Variants in BRMS1L observed in about 807,000 individuals in gnomAD.
The protein encoded by BRMS1L is BRMS1 like transcriptional repressor.
BRMS1L carries 23 observed loss-of-function variants against 50.3 expected under a neutral mutation model. The ratio of observed to expected loss-of-function variants is 0.46; its 90% CI spans 0.33 to 0.65. The LOEUF is 0.65. BRMS1L is among the 30% of genes least tolerant of loss of function. The pLI is 0.02. For missense variants in BRMS1L, 286 were observed against 386.1 expected, an observed-to-expected ratio of 0.74 and a Z score of 2.17; for synonymous variants, 114 against 126.9, an observed-to-expected ratio of 0.90 and a Z score of 0.69.
intron 4 of BRMS1L, among the ~76,000 whole-genome samples, chr14:35,835,938 T>C (rs1188265681): frequency 6.6e-6 from 1 of 152,232 alleles, no homozygotes; most frequent in Non-Finnish European, 1.5e-5. Context: ...ATTATAGATA[T>C]ACAGGTAGAA....
intron 5 of BRMS1L, 144 bp from the exon 6 acceptor site, chr14:35,863,726 A>G: frequency 1.5e-6 from 1 of 656,692 alleles, no homozygotes; most frequent in Non-Finnish European, 2.6e-6. Context: ...GAAATTATGT[A>G]CAGCTTAATC....
chr14:35,856,428 A>C (rs2078279930), intron 4 of BRMS1L, among the ~76,000 whole-genome samples: 1 of 152,194 alleles, frequency 6.6e-6, no homozygotes, highest in Non-Finnish European at 1.5e-5. Flanking sequence ...GTTAGGATTC[A>C]GGTTCTCGAG....
At chr14:35,832,745 T>C (rs1450695379) in intron 2 of BRMS1L, among the ~76,000 whole-genome samples, 5 of 152,176 alleles carry the variant, frequency 3.3e-5, no homozygotes, top group Non-Finnish European at 5.9e-5. Flanking sequence ...TTCAATTTTA[T>C]TTTTTTGTAT....
At chr14:35,832,775 A>C (rs1293983918) in intron 2 of BRMS1L, among the ~76,000 whole-genome samples, 4 of 152,182 alleles carry the variant, frequency 2.6e-5, no homozygotes, top group Non-Finnish European at 5.9e-5. Context: ...ACCATTAAAG[A>C]GTGATAGATA....
At chr14:35,864,272 T>C (rs1193503885) in intron 6 of BRMS1L, among the ~76,000 whole-genome samples, 1 of 152,198 alleles carries the variant, frequency 6.6e-6, no homozygotes, top group Non-Finnish European at 1.5e-5. Context: ...TACTTTTTTT[T>C]TCTTTTTGAG....
chr14:35,861,055 A>T (rs2078344758), intron 4 of BRMS1L, among the ~76,000 whole-genome samples: 1 of 152,028 alleles, frequency 6.6e-6, no homozygotes, highest in Admixed American at 6.6e-5. Context: ...CATTCAGGGG[A>T]GGTTTTTGAG....
chr14:35,854,460 T>C (rs969577348), intron 4 of BRMS1L, among the ~76,000 whole-genome samples: 11 of 152,202 alleles, frequency 7.2e-5, no homozygotes, highest in Non-Finnish European at 1.5e-5. Flanking sequence ...GAGCTCTTGG[T>C]TGATCTTTGG....
At chr14:35,870,202 G>A (rs2078473590) in intron 9 of BRMS1L, among the ~76,000 whole-genome samples, 158 bp from the exon 10 acceptor site, 1 of 152,100 alleles carries the variant, frequency 6.6e-6, no homozygotes, top group Non-Finnish European at 1.5e-5. Context: ...ATTTTTGGCA[G>A]CATGTACTGC....
Position 35,870,981 on chromosome 14 carries a change from T to G in BRMS1L, c.*504T>G, listed in dbSNP as rs1566433884. The G allele has an allele frequency of 6.5e-6, 1 of 152,692 alleles. No homozygotes were observed. The highest frequency in any genetic ancestry group is 1.5e-5 in the Non-Finnish European group (1 of 68,068). The allele number at this position is 152,692 out of a possible 1,614,324, so 9.5% of individuals were successfully genotyped here. Reference sequence around the variant, plus strand: ...GTATATATGGCATCATCAGCTTATTTAGAACTGATGGCCATACCTTACAAT... The same window carrying G: ...GTATATATGGCATCATCAGCTTATTGAGAACTGATGGCCATACCTTACAAT... On this transcript the variant is annotated 3_prime_UTR_variant, in exon 10 of 10. Transcript: ENST00000216807.
At chr14:35,865,605 T>C (rs1378898804) in intron 7 of BRMS1L, 117 bp from the exon 8 acceptor site, 7 of 781,622 alleles carry the variant, frequency 9.0e-6, no homozygotes, top group Non-Finnish European at 1.2e-5. Flanking sequence ...GGTTATACTT[T>C]ACTGTCTTTG....
chr14:35,836,539 A>G (rs1414359097), intron 4 of BRMS1L, among the ~76,000 whole-genome samples: 1 of 152,024 alleles, frequency 6.6e-6, no homozygotes, highest in Non-Finnish European at 1.5e-5. Context: ...AAGCGGTTCC[A>G]CTATGTTGCC....
intron 9 of BRMS1L, among the ~76,000 whole-genome samples, chr14:35,868,796 A>AAAC (rs1005863401): frequency 3.3e-5 from 5 of 152,128 alleles, no homozygotes; most frequent in African/African-American, 7.2e-5. Context: ...CAACAACAAC[A>AAAC]AACAACAACA....
chr14:35,838,120 G>A (rs1036200663), intron 4 of BRMS1L, among the ~76,000 whole-genome samples: 1 of 152,078 alleles, frequency 6.6e-6, no homozygotes, highest in African/African-American at 2.4e-5. Context: ...GAGAACACGC[G>A]GTGTTTTGTT....
At chr14:35,835,035 C>T (rs2077972729) in intron 4 of BRMS1L, 112 bp downstream of exon 4, 1 of 536,336 alleles carries the variant, frequency 1.9e-6, no homozygotes, top group Non-Finnish European at 2.8e-6. Context: ...TACTTTAGCT[C>T]ATCATTTGTG....
chr14:35,831,414 G>A lies in BRMS1L; in HGVS notation c.147G>A (p.Met49Ile). The A allele has an allele frequency of 6.2e-7, 1 of 1,610,704 alleles. No individual in the cohort carries two copies. The highest frequency in any genetic ancestry group is 8.5e-7 in the Non-Finnish European group (1 of 1,177,424). Residue 49 changes from methionine (M) to isoleucine (I), a missense_variant, in exon 2 of 10, where the codon ATG becomes ATA. By Grantham distance (10) the Met-to-Ile change is conservative (BLOSUM62 1). This residue lies in a region of BRMS1L where 66 missense variants were observed against 67.8 expected (regional missense o/e 0.97). Transcript: ENST00000216807. Reference sequence around the variant, plus strand: ...TATTTGCCTTTTTATTAACAGAAATGGATGATGAAGACTGTGAAAGAAGAA... The same window carrying A: ...TATTTGCCTTTTTATTAACAGAAATAGATGATGAAGACTGTGAAAGAAGAA... ...SVSEDGDSSE[M>I]DDEDCERRRM...
chr14:35,863,825 G>C (rs756870622), intron 5 of BRMS1L, 45 bp from the exon 6 acceptor site: 3 of 1,542,126 alleles, frequency 1.9e-6, no homozygotes, highest in Admixed American at 2.0e-5. Context: ...TTCCTCCTTT[G>C]TTCACCAGAA....
At chr14:35,836,173 T>C (rs2077989979) in intron 4 of BRMS1L, among the ~76,000 whole-genome samples, 1 of 152,246 alleles carries the variant, frequency 6.6e-6, no homozygotes, top group Non-Finnish European at 1.5e-5. Flanking sequence ...TCATTGACTA[T>C]ATAAGTTCTT....
intron 3 of BRMS1L, among the ~76,000 whole-genome samples, chr14:35,834,122 C>T (rs1378340844): frequency 3.3e-5 from 5 of 151,972 alleles, no homozygotes; most frequent in African/African-American, 1.2e-4. Context: ...TTCCAGATAT[C>T]TGTCTCTTGC....
chr14:35,868,509 G>A (rs7151567), intron 9 of BRMS1L, among the ~76,000 whole-genome samples: 3,586 of 152,280 alleles, frequency 0.024, 141 homozygotes, highest in African/African-American at 0.081. Context: ...CTAGGGCTGG[G>A]TGCAGTGGCT....
Sources: allele counts gnomAD v4.1 joint callset (sites outside exome capture counted in the v4.1 genomes callset), GRCh38; gene constraint gnomAD v4.1.1; regional missense constraint gnomAD v4.1.1; transcripts MANE v1.5; gene names NCBI Gene and HGNC (gene_info 2026-07-23, HGNC 2026-07-21).